Variants in MYO9B observed in about 807,000 individuals in gnomAD.
MYO9B encodes unconventional myosin-IXb.
Under a neutral mutation model 229.5 loss-of-function variants are expected in MYO9B, and 71 were observed. That is an observed-to-expected ratio of 0.31 (90% CI 0.26 to 0.38). The LOEUF is 0.38. Among genes scored for constraint, MYO9B ranks in the 10% least tolerant of loss-of-function variants. The pLI, the probability that MYO9B is intolerant of heterozygous loss-of-function variation, is 1.00. For synonymous variants in MYO9B, 1,185 were observed against 1,235.8 expected, an observed-to-expected ratio of 0.96 and a Z score of 0.86; for missense variants, 2,255 against 2,920.5, an observed-to-expected ratio of 0.77 and a Z score of 5.25.
rs545059596 is a variant in MYO9B at position 17,144,946 on chromosome 19, G to C, written c.841-451G>C. Among the ~76,000 whole-genome samples the C allele has an allele frequency of 6.0e-4, 88 of 146,576 alleles. 3 individuals are homozygous for C. The South Asian group carries it at 0.018, about 31-fold the overall frequency. On this transcript the variant is annotated intron_variant, in intron 2 of 39. Coordinates refer to ENST00000682292, the MANE Select transcript of MYO9B (RefSeq NM_004145.4). The stretch of plus-strand genomic sequence containing the variant: ...GATTGCGCCCCTGCACTCCAGCCAA[G>C]GCAACAGAGCGAGACTTCATCTCAA...
intron 1 of MYO9B, among the ~76,000 whole-genome samples, chr19:17,093,366 G>A (rs2057656821): frequency 6.6e-6 from 1 of 152,022 alleles, no homozygotes; most frequent in South Asian, 2.1e-4. Context: ...TATATCTTCG[G>A]TTTGGGCTCC....
intron 2 of MYO9B, among the ~76,000 whole-genome samples, chr19:17,116,628 C>G (rs569568741): frequency 3.5e-4 from 54 of 152,290 alleles, no homozygotes; most frequent in African/African-American, 1.2e-3. Flanking sequence ...GTGTTCCCCC[C>G]ACAGAGCACA....
At chr19:17,153,352 C>G (rs2072500661) in intron 4 of MYO9B, among the ~76,000 whole-genome samples, 1 of 149,336 alleles carries the variant, frequency 6.7e-6, no homozygotes, top group Non-Finnish European at 1.5e-5. Context: ...CAGGCATGCA[C>G]CACCACGCCC....
At chr19:17,188,448 A>AAAG (rs577476076) in intron 19 of MYO9B, among the ~76,000 whole-genome samples, 2,528 of 121,844 alleles carry the variant, frequency 0.021, 172 homozygotes, top group East Asian at 0.11. Flanking sequence ...AAAAAAAAAA[A>AAAG]AAGAAGAAAC....
At chr19:17,185,323 G>A (rs1209451319) in intron 17 of MYO9B, among the ~76,000 whole-genome samples, 6 of 149,290 alleles carry the variant, frequency 4.0e-5, no homozygotes, top group South Asian at 2.1e-4. Context: ...GCAGTGAGCC[G>A]AGATGGCGCC....
At chr19:17,100,666 G>A (rs979233885) in intron 1 of MYO9B, among the ~76,000 whole-genome samples, 7 of 151,976 alleles carry the variant, frequency 4.6e-5, no homozygotes, top group Non-Finnish European at 7.4e-5. Flanking sequence ...TTTCCTTGTT[G>A]CCCGTGACCT....
At chr19:17,079,630 T>C (rs2057516799) in intron 1 of MYO9B, among the ~76,000 whole-genome samples, 1 of 152,212 alleles carries the variant, frequency 6.6e-6, no homozygotes, top group South Asian at 2.1e-4. Flanking sequence ...TTGGTCCATC[T>C]TGCTGTCCCC....
chr19:17,165,973 T>C (rs1289674334), intron 10 of MYO9B, among the ~76,000 whole-genome samples: 2 of 152,184 alleles, frequency 1.3e-5, no homozygotes, highest in African/African-American at 4.8e-5. Context: ...CAACAGACAT[T>C]GTCTGGTTCA....
chr19:17,210,572 T>C, intron 37 of MYO9B, 143 bp from the exon 38 acceptor site: 1 of 1,268,970 alleles, frequency 7.9e-7, no homozygotes, highest in Non-Finnish European at 1.1e-6. Context: ...ACCACCACTC[T>C]GTCCCATGGG....
chr19:17,195,264 T>C lies in MYO9B; in HGVS notation c.3837T>C (p.Cys1279=), dbSNP rs775524837. The change falls in exon 22 of 40, where the codon TGT becomes TGC. Residue 1279 remains cysteine (C), a synonymous_variant. Coordinates refer to ENST00000682292, the MANE Select transcript of MYO9B (RefSeq NM_004145.4). This position sits in a 1 kb window ranked among gnomAD's most constrained non-coding sequence, Gnocchi z 4.5. ...CCCCCGAGGACAAGAGCAAACCATGTGGCAGCCCAAGGGTTCAGGAAAAGC... is the reference window on the plus strand; with the variant it reads ...CCCCCGAGGACAAGAGCAAACCATGCGGCAGCCCAAGGGTTCAGGAAAAGC... The part of the protein sequence containing the change: ...PETPEDKSKP[C]GSPRVQEKPD... 5 of 1,611,170 alleles carry C rather than the reference T, an allele frequency of 3.1e-6. No individual in the cohort carries two copies. Among genetic ancestry groups the C allele is most frequent in the Non-Finnish European group, 4.2e-6 (5 of 1,179,512 alleles).
chr19:17,134,377 G>GTTTTTTTTTTTTTTT (rs1568267173), intron 2 of MYO9B, among the ~76,000 whole-genome samples: 2 of 39,726 alleles, frequency 5.0e-5, no homozygotes, highest in African/African-American at 1.9e-4. Flanking sequence ...TTTTCGTTTT[G>GTTTTTTTTTTTTTTT]TTTGTTTTTT....
chr19:17,159,516 A>T, intron 8 of MYO9B, 32 bp downstream of exon 8: 1 of 1,567,452 alleles, frequency 6.4e-7, no homozygotes, highest in Non-Finnish European at 8.7e-7. Context: ...ACAGGGTGCC[A>T]GATCCCAAAA....
chr19:17,164,127 A>G (rs1174966264), intron 10 of MYO9B, among the ~76,000 whole-genome samples: 2 of 152,150 alleles, frequency 1.3e-5, no homozygotes, highest in Admixed American at 1.3e-4. Context: ...CCCAAAGGGA[A>G]AATAGCATGA....
At chr19:17,085,912 C>T (rs906967132) in intron 1 of MYO9B, among the ~76,000 whole-genome samples, 29 of 152,264 alleles carry the variant, frequency 1.9e-4, no homozygotes, top group Admixed American at 1.9e-3. Flanking sequence ...CCTGGCTGCC[C>T]TCCCTATCTT....
chr19:17,080,772 G>A (rs1464249802), intron 1 of MYO9B, among the ~76,000 whole-genome samples: 13 of 152,052 alleles, frequency 8.5e-5, no homozygotes, highest in East Asian at 3.9e-4. Flanking sequence ...AAGAAGCTGA[G>A]ACAGACAGAT....
intron 2 of MYO9B, among the ~76,000 whole-genome samples, chr19:17,129,547 G>C (rs1424350004): frequency 6.6e-6 from 1 of 152,226 alleles, no homozygotes; most frequent in East Asian, 1.9e-4. Context: ...CAGGGCAGGT[G>C]GGCAGGGCAT....
intron 11 of MYO9B, among the ~76,000 whole-genome samples, chr19:17,171,847 TC>T (rs1293393035): frequency 1.3e-5 from 2 of 152,126 alleles, no homozygotes; most frequent in Admixed American, 1.3e-4. Flanking sequence ...GGCAGGAAGA[TC>T]CCTTGAGCCC....
chr19:17,111,408 A>G (rs1027015199), intron 2 of MYO9B, among the ~76,000 whole-genome samples: 1 of 152,216 alleles, frequency 6.6e-6, no homozygotes, highest in Non-Finnish European at 1.5e-5. Context: ...TTATATCTAC[A>G]GTTTATAAAT....
In MYO9B at chr19:17,206,243, C is replaced by CCCCCCCCCCCCCCCCCCCCCA; in HGVS notation, c.5258-5_5258-4insCCCCCCCCCCCCCCCCCCCCA. On this transcript the variant is annotated splice_polypyrimidine_tract_variant and splice_region_variant and intron_variant, in intron 32 of 39. Coordinates refer to ENST00000682292, the MANE Select transcript of MYO9B (RefSeq NM_004145.4). ...CTCACCAGACCCACCCCACCCACCC[C>CCCCCCCCCCCCCCCCCCCCCA]ACAGACCCCGCAGCAGTCAAGCTGG... The CCCCCCCCCCCCCCCCCCCCCA allele has an allele frequency of 6.4e-7, 1 of 1,554,968 alleles. No homozygotes were observed. Among genetic ancestry groups the CCCCCCCCCCCCCCCCCCCCCA allele is most frequent in the Non-Finnish European group, 8.7e-7 (1 of 1,153,344 alleles).
Sources: gnomAD v4.1 joint callset for allele counts (sites outside exome capture counted in the v4.1 genomes callset) on GRCh38, gnomAD v4.1.1 for gene constraint, Gnocchi (gnomAD v3.1) non-coding constraint, MANE v1.5 for transcripts, NCBI Gene and HGNC (gene_info 2026-07-23, HGNC 2026-07-21) for gene names.